The following IFT46 variants were observed in gnomAD, a reference collection of about 807,000 sequenced individuals.
IFT46 encodes the protein intraflagellar transport protein 46 homolog.
Under a neutral mutation model 39.6 loss-of-function variants are expected in IFT46, and 19 were observed. That is an observed-to-expected ratio of 0.48 (90% confidence interval 0.33 to 0.70). IFT46 has a LOEUF of 0.70. Ranked by LOEUF, IFT46 falls within the 30% of genes least tolerant of loss-of-function variation. IFT46 has a pLI of 0.01. For synonymous variants in IFT46, 117 were observed against 134.8 expected (o/e 0.87, Z 0.91); for missense variants, 334 against 364.8 (o/e 0.92, Z 0.69).
chr11:118,559,742 C>T (rs782167173), intron 3 of IFT46, 43 bp downstream of exon 3: 2 of 1,548,716 alleles, frequency 1.3e-6, no homozygotes, highest in East Asian at 2.3e-5. Flanking sequence ...CTACTAAAAA[C>T]CCAAAGCAGA....
At chr11:118,563,233 A>C (rs141105837) in intron 2 of IFT46, among the ~76,000 whole-genome samples, 5 of 152,190 alleles carry the variant, frequency 3.3e-5, no homozygotes, top group African/African-American at 1.2e-4. Flanking sequence ...TCCCAGAATA[A>C]GCAAACTCAT....
intron 7 of IFT46, among the ~76,000 whole-genome samples, chr11:118,553,365 C>T (rs1555068846): frequency 2.0e-5 from 3 of 150,382 alleles, no homozygotes; most frequent in African/African-American, 7.4e-5. Context: ...CGCTTGAACC[C>T]GGGAGGTGGA....
intron 4 of IFT46, 104 bp from the exon 5 acceptor site, chr11:118,555,426 C>A: frequency 1.2e-6 from 1 of 815,622 alleles, no homozygotes. Context: ...GATCCTGAAG[C>A]TAGCTTCTGC....
chr11:118,559,342 A>C (rs1178907551), intron 3 of IFT46, among the ~76,000 whole-genome samples: 6 of 152,156 alleles, frequency 3.9e-5, no homozygotes, highest in African/African-American at 9.7e-5. Flanking sequence ...CCTTCACAAA[A>C]TACTGGCAGT....
At chr11:118,553,487 G>A (rs1176100153) in intron 7 of IFT46, among the ~76,000 whole-genome samples, 2 of 151,328 alleles carry the variant, frequency 1.3e-5, no homozygotes, top group African/African-American at 2.4e-5. Context: ...AGGATGGTTA[G>A]AATGAAAAAT....
In IFT46 at chr11:118,556,910, C is replaced by T; in HGVS notation, c.181G>A (p.Glu61Lys). 6.3e-7 allele frequency: 1 copy of T among 1,598,490 alleles called. No individual in the cohort carries two copies. Residue 61 changes from glutamate to lysine, a missense_variant, in exon 4 of 12, where the codon GAA becomes AAA. Transcript: ENST00000264021. The stretch of plus-strand genomic sequence containing the variant: ...GCTTGGGTGTTCTTTCCTCACCCTT[C>T]CAGAGGGGCTCCATGCTCTTCATCA... ...DDDEEHGAPL[E>K]GAYDPADYEH...
intron 9 of IFT46, among the ~76,000 whole-genome samples, chr11:118,547,567 C>T (rs1286818333): frequency 6.6e-6 from 1 of 151,656 alleles, no homozygotes; most frequent in Non-Finnish European, 1.5e-5. Context: ...TACAGATGTG[C>T]GCCACCAGGC....
rs1937763045 is a variant in IFT46, at chr11:118,554,554, C to G, written c.388G>C (p.Gly130Arg). 6.2e-7 allele frequency: 1 copy of G among 1,611,690 alleles called. No homozygotes were observed. Among genetic ancestry groups the G allele is most frequent in the Non-Finnish European group, 8.5e-7 (1 of 1,179,338 alleles). ...GAAGGTTCATCCAATACCAATAGGC[C>G]AAGGTTGTCAGGCTTTCCATCAGGA... ...PRPDGKPDNL[G>R]LLVLDEPSTK... The change falls in exon 7 of 12, where the codon GGC becomes CGC. Residue 130 changes from glycine to arginine, a missense_variant. By Grantham distance (125) the Gly-to-Arg change is moderately radical (BLOSUM62 -2). Transcript: ENST00000264021.
At chr11:118,569,751 G>A (rs1483341997), upstream of IFT46, among the ~76,000 whole-genome samples, 3 of 152,206 alleles carry the variant, frequency 2.0e-5, no homozygotes, top group South Asian at 4.1e-4. Context: ...GAGGATTCTT[G>A]TGAGGATTAA....
At chr11:118,551,142 C>A (rs556088186) in intron 9 of IFT46, among the ~76,000 whole-genome samples, 9 of 149,956 alleles carry the variant, frequency 6.0e-5, no homozygotes, top group African/African-American at 2.2e-4. Flanking sequence ...GAGGCCAAGG[C>A]AGACGGATCA....
At chr11:118,562,172 G>A (rs1938079856) in intron 2 of IFT46, among the ~76,000 whole-genome samples, 1 of 152,148 alleles carries the variant, frequency 6.6e-6, no homozygotes, top group African/African-American at 2.4e-5. Flanking sequence ...AGCTACTCAG[G>A]AGGCTGAGGC....
intron 10 of IFT46, 85 bp from the exon 11 acceptor site, chr11:118,545,579 GGCAGATGGGGTGTC>G: frequency 8.2e-7 from 1 of 1,217,350 alleles, no homozygotes; most frequent in Non-Finnish European, 1.2e-6. Flanking sequence ...GCAAAGCCCT[GGCAGATGGGGTGTC>G]GCTATGACTT....
intron 11 of IFT46, 121 bp from the exon 12 acceptor site, chr11:118,545,132 G>A: frequency 1.2e-6 from 1 of 800,958 alleles, no homozygotes; most frequent in Non-Finnish European, 2.0e-6. Context: ...ATTCATGAGG[G>A]AACTTGGTTC....
At chr11:118,561,388 C>T (rs1478276472) in intron 2 of IFT46, 2 of 837,018 alleles carry the variant, frequency 2.4e-6, no homozygotes, top group African/African-American at 3.3e-5. Context: ...TAACTCCAGA[C>T]ATGATGGAAG....
At chr11:118,573,963 A>G (rs1268134512), upstream of IFT46, among the ~76,000 whole-genome samples, 1 of 152,166 alleles carries the variant, frequency 6.6e-6, no homozygotes, top group African/African-American at 2.4e-5. Flanking sequence ...TTTTATTTTA[A>G]TAGTAAAGTT....
chr11:118,576,358 AC>A (rs1555073573), upstream of IFT46, among the ~76,000 whole-genome samples: 1 of 148,000 alleles, frequency 6.8e-6, no homozygotes, highest in Non-Finnish European at 1.5e-5. Flanking sequence ...CTCAGTTTTC[AC>A]ATCTGTAAGA....
At chr11:118,571,651 A>G (rs1294372797) in intron 1 of IFT46, among the ~76,000 whole-genome samples, 4 of 152,226 alleles carry the variant, frequency 2.6e-5, no homozygotes, top group South Asian at 2.1e-4. Context: ...TAATGTGCAT[A>G]TTAGCCATTT....
Position 118,544,629 on chromosome 11 carries a change from T to C in IFT46, c.*287A>G, listed in dbSNP as rs1293863877. The C allele has an allele frequency of 2.8e-6, 1 of 354,194 alleles. No individual in the cohort carries two copies. The highest frequency in any genetic ancestry group is 2.1e-5 in the African/African-American group (1 of 47,922). The allele number at this position is 354,194 out of a possible 1,614,324, so 21.9% of individuals were successfully genotyped here. On this transcript the variant is annotated 3_prime_UTR_variant, in exon 12 of 12. Coordinates refer to ENST00000264021, the MANE Select transcript of IFT46 (RefSeq NM_001168618.2). ...TCACAAAAAGGACATCTTTTAAGCT[T>C]TCCTCCCAATCTAACCTCCATGGGA... is the stretch of plus-strand genomic sequence containing the variant.
At chr11:118,546,849 G>A (rs1373040046) in intron 9 of IFT46, 1 of 152,108 alleles carries the variant, frequency 6.6e-6, no homozygotes, top group Non-Finnish European at 1.5e-5. Flanking sequence ...AGAGAAAATG[G>A]GCATGACATC....
Sources: allele counts gnomAD v4.1 joint callset (sites outside exome capture counted in the v4.1 genomes callset), GRCh38; gene constraint gnomAD v4.1.1; transcripts MANE v1.5; gene names NCBI Gene and HGNC (gene_info 2026-07-23, HGNC 2026-07-21).